ABTB2: variants seen among roughly 807,000 people sequenced by gnomAD.
ABTB2 encodes the protein ankyrin repeat and BTB domain containing 2, also known as ankyrin repeat and BTB/POZ domain-containing protein 2.
Under a neutral mutation model 104.1 loss-of-function variants are expected in ABTB2, and 56 were observed. The observed-to-expected ratio is 0.54, with a 90% CI of 0.43 to 0.67. The LOEUF (loss-of-function observed/expected upper bound fraction) is 0.67. Among genes scored for constraint, ABTB2 ranks in the 30% least tolerant of loss-of-function variants. The pLI, the probability that ABTB2 is intolerant of heterozygous loss-of-function variation, is 0.00. For missense variants in ABTB2, 1,279 were observed against 1,407.7 expected (o/e 0.91, Z 1.46); for synonymous variants, 606 against 608.2 (o/e 1.00, Z 0.05).
chr11:34,217,317 G>A (rs7129404), intron 1 of ABTB2, among the ~76,000 whole-genome samples: 8,575 of 152,198 alleles, frequency 0.056, 816 homozygotes, highest in African/African-American at 0.19. Context: ...TTTTAGCTCT[G>A]ATAATATTCC....
chr11:34,323,611 G>A (rs533636804), intron 1 of ABTB2, among the ~76,000 whole-genome samples: 13 of 152,018 alleles, frequency 8.6e-5, no homozygotes, highest in African/African-American at 2.4e-4. Flanking sequence ...CTTCTGTCTC[G>A]TATTAGCCTA....
Position 34,356,703 on chromosome 11 carries a change from T to C in ABTB2, c.881A>G (p.Asn294Ser), listed in dbSNP as rs1461104696. 3.1e-6 allele frequency: 5 copies of C among 1,587,860 alleles called. No individual in the cohort carries two copies. Among genetic ancestry groups the C allele is most frequent in the Non-Finnish European group, 4.3e-6 (5 of 1,161,030 alleles). Residue 294 changes from asparagine to serine, a missense_variant and splice_region_variant, in exon 1 of 17, where the codon AAT becomes AGT. Transcript: ENST00000435224. The surrounding 1 kb of genome is among the most constrained non-coding windows in gnomAD (Gnocchi z 4.6). ...YEHLICGKNANGVLSLPAYFS... is the reference protein window; with the variant it reads ...YEHLICGKNASGVLSLPAYFS... The stretch of plus-strand genomic sequence containing the variant: ...CAGTCCGAGGCCCGCGCGCTTACCA[T>C]TGGCGTTCTTGCCGCAGATGAGATG...
At chr11:34,262,816 G>A (rs1166512774) in intron 1 of ABTB2, among the ~76,000 whole-genome samples, 1 of 152,176 alleles carries the variant, frequency 6.6e-6, no homozygotes, top group Admixed American at 6.5e-5. Flanking sequence ...TCTTGTGGGC[G>A]ATTGTCACCT....
intron 3 of ABTB2, among the ~76,000 whole-genome samples, chr11:34,176,285 A>C: frequency 6.6e-6 from 1 of 151,352 alleles, no homozygotes; most frequent in Admixed American, 6.6e-5. Context: ...GTCTCAAAAA[A>C]AAAAAAAAAA....
chr11:34,196,211 T>C (rs1302382357), intron 3 of ABTB2, among the ~76,000 whole-genome samples: 2 of 152,262 alleles, frequency 1.3e-5, no homozygotes, highest in East Asian at 3.9e-4. Flanking sequence ...TATTATATTT[T>C]CCAGGTAGAA....
At chr11:34,346,667 C>G (rs12361888) in intron 1 of ABTB2, among the ~76,000 whole-genome samples, 10,127 of 152,130 alleles carry the variant, frequency 0.067, 421 homozygotes, top group East Asian at 0.2. Context: ...GAAACACTAT[C>G]AGAGACAGAA....
rs571457495 is a variant in ABTB2 at position 34,249,464 on chromosome 11, A to C, written c.884-44774T>G. Among the ~76,000 whole-genome samples the C allele has an allele frequency of 4.6e-5, 7 of 152,328 alleles. No individual in the cohort carries two copies. The East Asian group carries it at 1.4e-3, about 29-fold the overall frequency. ...AGAATATCCCCACCAAGGCTTCTCAAATAGTAGAAAGCACTTGGGGAATAT... is the reference window on the plus strand; with the variant it reads ...AGAATATCCCCACCAAGGCTTCTCACATAGTAGAAAGCACTTGGGGAATAT... On this transcript the variant is annotated intron_variant, in intron 1 of 16. Transcript: ENST00000435224.
At chr11:34,303,890 G>A (rs371857282) in intron 1 of ABTB2, among the ~76,000 whole-genome samples, 6 of 152,064 alleles carry the variant, frequency 3.9e-5, no homozygotes, top group Non-Finnish European at 5.9e-5. Flanking sequence ...TAATCCACCC[G>A]TCTCGGCCTC....
chr11:34,283,000 C>A lies in ABTB2; in HGVS notation c.883+73701G>T, dbSNP rs183496177. Among the ~76,000 whole-genome samples the A allele has an allele frequency of 3.5e-3, 538 of 151,822 alleles. 2 individuals carry two copies. The highest frequency in any genetic ancestry group is 0.014 in the Middle Eastern group (4 of 294). On this transcript the variant is annotated intron_variant, in intron 1 of 16. Coordinates refer to ENST00000435224, the MANE Select transcript of ABTB2 (RefSeq NM_145804.3). The stretch of plus-strand genomic sequence containing the variant: ...CTCGGCTCACTGCAAGCTCCGCATC[C>A]CGGGTTCACGCCATTCCCCAGCCTC...
chr11:34,211,010 C>T lies in ABTB2; in HGVS notation c.884-6320G>A, dbSNP rs1046209307. ...TTTTATATATAGTACATTTAATGCC[C>T]AGTTGTTATATATTAGTCATGCCAG... On this transcript the variant is annotated intron_variant, in intron 1 of 16. Transcript: ENST00000435224. 3.9e-5 allele frequency among the ~76,000 whole-genome samples: 6 copies of T among 152,146 alleles called. No individual in the cohort carries two copies. The South Asian group carries it at 1.2e-3, about 32-fold the overall frequency.
At chr11:34,303,575 G>T (rs1590248337) in intron 1 of ABTB2, among the ~76,000 whole-genome samples, 1 of 147,266 alleles carries the variant, frequency 6.8e-6, no homozygotes, top group African/African-American at 2.5e-5. Context: ...TAACTTAAAT[G>T]AAAAAAAATA....
chr11:34,340,553 C>A (rs1029001047), intron 1 of ABTB2, among the ~76,000 whole-genome samples: 3 of 152,166 alleles, frequency 2.0e-5, no homozygotes, highest in African/African-American at 7.2e-5. Flanking sequence ...TCAGAAGGAT[C>A]CTTTCTACAG....
chr11:34,183,432 C>T lies in ABTB2; in HGVS notation c.1245-10125G>A, dbSNP rs575134974. Among the ~76,000 whole-genome samples the T allele has an allele frequency of 2.4e-4, 36 of 152,312 alleles. 2 individuals are homozygous for T. The East Asian group carries it at 6.0e-3, about 25-fold the overall frequency. ...TTTTGAAAGGGAAAAAGAGAGCTAC[C>T]GCCAGCACTGGGACTACCGGGTGTA... On this transcript the variant is annotated intron_variant, in intron 3 of 16. Transcript: ENST00000435224.
At chr11:34,306,236 ATTTTTT>A (rs34872949) in intron 1 of ABTB2, among the ~76,000 whole-genome samples, 41 of 71,968 alleles carry the variant, frequency 5.7e-4, no homozygotes, top group African/African-American at 1.5e-3. Flanking sequence ...GGAAAGTTTG[ATTTTTT>A]TTTTTTTTTT....
chr11:34,260,095 C>A (rs1334863051), intron 1 of ABTB2, among the ~76,000 whole-genome samples: 2 of 152,170 alleles, frequency 1.3e-5, no homozygotes, highest in African/African-American at 2.4e-5. Context: ...AGGCATGAGC[C>A]ATTACGCCTG....
chr11:34,215,982 G>A (rs11032559), intron 1 of ABTB2, among the ~76,000 whole-genome samples: 28,489 of 152,036 alleles, frequency 0.19, 2,779 homozygotes, highest in East Asian at 0.26. Flanking sequence ...ACCACAGATG[G>A]CTCATTTATT....
intron 3 of ABTB2, among the ~76,000 whole-genome samples, chr11:34,185,418 C>T (rs879630620): frequency 2.0e-5 from 3 of 152,236 alleles, no homozygotes; most frequent in Admixed American, 6.5e-5. Flanking sequence ...GCAGGGAAGA[C>T]TGGCATTGGC....
At chr11:34,324,067 T>C (rs1166672869) in intron 1 of ABTB2, among the ~76,000 whole-genome samples, 4 of 152,030 alleles carry the variant, frequency 2.6e-5, no homozygotes, top group Admixed American at 2.0e-4. Flanking sequence ...CCTGCCACCA[T>C]ACCCAGTTAG....
chr11:34,278,987 T>A (rs796880287), intron 1 of ABTB2, among the ~76,000 whole-genome samples: 1 of 152,180 alleles, frequency 6.6e-6, no homozygotes, highest in South Asian at 2.1e-4. Context: ...TAATGTCTGA[T>A]AATGGCCTGC....
Sources: allele counts gnomAD v4.1 joint callset (sites outside exome capture counted in the v4.1 genomes callset), GRCh38; gene constraint gnomAD v4.1.1; non-coding constraint Gnocchi (gnomAD v3.1); transcripts MANE v1.5; gene names NCBI Gene and HGNC (gene_info 2026-07-23, HGNC 2026-07-21).